Variants in TRAIP observed in about 807,000 individuals in gnomAD.
The protein encoded by TRAIP is TRAF interacting protein.
A neutral mutation model predicts 65.0 loss-of-function variants in TRAIP; 37 were observed. The observed-to-expected ratio is 0.57, with a 90% CI of 0.44 to 0.75. The LOEUF (loss-of-function observed/expected upper bound fraction) is 0.75. Ranked by LOEUF, TRAIP falls within the 30% of genes least tolerant of loss-of-function variation. The probability of loss-of-function intolerance (pLI) is 0.00; values close to 1 mark genes in which losing one functional copy is unlikely to be tolerated. For synonymous variants in TRAIP, 187 were observed against 219.1 expected, an observed-to-expected ratio of 0.85 and a Z score of 1.29; for missense variants, 481 against 579.4, an observed-to-expected ratio of 0.83 and a Z score of 1.74.
chr3:49,829,864 A>C, intron 12 of TRAIP, 98 bp from the exon 13 acceptor site: 1 of 1,559,912 alleles, frequency 6.4e-7, no homozygotes. Flanking sequence ...CTGATGCCTC[A>C]CTAGGAGGCA....
intron 5 of TRAIP, 98 bp from the exon 6 acceptor site, chr3:49,842,645 A>G: frequency 8.6e-7 from 1 of 1,162,156 alleles, no homozygotes; most frequent in South Asian, 1.3e-5. Flanking sequence ...TCTGCAGCTT[A>G]TGTTTTGAAA....
chr3:49,842,714 G>A (rs1168361639), intron 5 of TRAIP, among the ~76,000 whole-genome samples, 167 bp from the exon 6 acceptor site: 3 of 152,036 alleles, frequency 2.0e-5, no homozygotes, highest in Admixed American at 6.6e-5. Flanking sequence ...TCCCACTCTC[G>A]CTTGTGCTTC....
chr3:49,850,836 T>A (rs1339328075), intron 1 of TRAIP, among the ~76,000 whole-genome samples: 1 of 151,362 alleles, frequency 6.6e-6, no homozygotes, highest in Non-Finnish European at 1.5e-5. Context: ...TATATTTTTT[T>A]AGTAGAGACA....
At chr3:49,847,385 A>AAAAAGAAAAG (rs746867614) in intron 3 of TRAIP, 140 bp downstream of exon 3, 43 of 644,102 alleles carry the variant, frequency 6.7e-5, no homozygotes, top group African/African-American at 1.7e-4. Context: ...CTGTCTCTAA[A>AAAAAGAAAAG]AAAAGAAAAG....
chr3:49,837,639 T>C (rs906896670), intron 10 of TRAIP, among the ~76,000 whole-genome samples: 2 of 152,110 alleles, frequency 1.3e-5, no homozygotes, highest in Non-Finnish European at 2.9e-5. Context: ...TGGAGTGCAG[T>C]GGCACGATCT....
chr3:49,856,470 G>A lies in TRAIP; in HGVS notation c.-17C>T, dbSNP rs2081970783. 1.2e-6 allele frequency: 2 copies of A among 1,608,888 alleles called. No individual in the cohort carries two copies. Among genetic ancestry groups the A allele is most frequent in the African/African-American group, 2.7e-5 (2 of 74,874 alleles). On this transcript the variant is annotated 5_prime_UTR_variant, in exon 1 of 15. Transcript: ENST00000331456. ...GATAGGCATGATGGCTGGACTCAAG[G>A]GGCCCAGGCAGCCAAAGAAACTGCT...
rs746923103 is a variant in TRAIP, at chr3:49,829,695, A to G, written c.1158T>C (p.Pro386=). 18 of 1,614,176 alleles carry G rather than the reference A, an allele frequency of 1.1e-5. No homozygotes were observed. In the East Asian group the frequency reaches 3.8e-4, roughly 34 times the overall value. The change falls in exon 13 of 15, where the codon CCT becomes CCC. Residue 386 remains proline (P), a synonymous_variant. Transcript: ENST00000331456. ...EPDEELVGAF[P]IFVRNAILGQ... is the part of the protein sequence containing the mutation. ...CTAGGATGGCATTCCGGACAAAAAT[A>G]GGGAAGGCACCAACCAGTTCCTCAT...
chr3:49,847,421 A>T, intron 3 of TRAIP, 104 bp downstream of exon 3: 1 of 524,468 alleles, frequency 1.9e-6, no homozygotes, highest in Non-Finnish European at 3.4e-6. Flanking sequence ...AAAAGAGAAA[A>T]GAGAAGAGAA....
In TRAIP at chr3:49,832,020, A is replaced by G; in HGVS notation, c.933T>C (p.Arg311=). 1 of 1,606,564 alleles carries G rather than the reference A, an allele frequency of 6.2e-7. No homozygotes were observed. Among genetic ancestry groups the G allele is most frequent in the Non-Finnish European group, 8.5e-7 (1 of 1,176,394 alleles). Residue 311 remains arginine, a synonymous_variant, in exon 11 of 15, where the codon CGT becomes CGC. Coordinates refer to ENST00000331456, the MANE Select transcript of TRAIP (RefSeq NM_005879.3). The part of the protein sequence containing the change: ...VNLKLRRPSF[R]DDIDLNATFD... ...AGGTAGCATTGAGATCAATATCATC[A>G]CGGAAGGATGGCCGGCGGAGCTTCA...
chr3:49,840,194 G>C, intron 9 of TRAIP, 90 bp downstream of exon 9: 1 of 1,214,120 alleles, frequency 8.2e-7, no homozygotes, highest in East Asian at 2.4e-5. Context: ...ACTGACTGGT[G>C]CAAGGGTCCT....
chr3:49,849,817 A>G (rs2081915437), intron 1 of TRAIP, among the ~76,000 whole-genome samples: 1 of 148,118 alleles, frequency 6.8e-6, no homozygotes, highest in African/African-American at 2.5e-5. Flanking sequence ...AAAGATTCCT[A>G]TAAGTACATT....
At chr3:49,840,431 C>A in intron 8 of TRAIP, 58 bp from the exon 9 acceptor site, 2 of 1,402,674 alleles carry the variant, frequency 1.4e-6, no homozygotes, top group Non-Finnish European at 2.0e-6. Context: ...TGCCCTGCCC[C>A]CTCCTGCTGC....
Position 49,856,563 on chromosome 3 carries a change from T to G in TRAIP, c.-110A>C. The G allele has an allele frequency of 1.1e-6, 1 of 880,368 alleles. No homozygotes were observed. The highest frequency in any genetic ancestry group is 1.8e-6 in the Non-Finnish European group (1 of 563,886). 54.5% of individuals were successfully genotyped at this position (880,368 alleles called of 1,614,324 possible). ...TTCAAATTTGGCTCCGCAGCACGAC[T>G]TCCTGGAGCGGGCCGGAAGTGACAA... On this transcript the variant is annotated 5_prime_UTR_variant, in exon 1 of 15. Coordinates refer to ENST00000331456, the MANE Select transcript of TRAIP (RefSeq NM_005879.3).
rs2081971658 is a variant in TRAIP at position 49,856,527 on chromosome 3, C to CCTCCGCTTGCTTCAAATTTGG, written c.-95_-75dup. 2.2e-6 allele frequency: 3 copies of CCTCCGCTTGCTTCAAATTTGG among 1,382,820 alleles called. No homozygotes were observed. The highest frequency in any genetic ancestry group is 2.4e-5 in the East Asian group (1 of 40,838). The allele number at this position is 1,382,820 out of a possible 1,614,324, so 85.7% of individuals were successfully genotyped here. A position where few individuals can be genotyped will look rare whatever the true frequency, so the allele number is the denominator to read the frequency against. ...CCGGCTTCGTAGACGCGCCCCCGCG[C>CCTCCGCTTGCTTCAAATTTGG]CTCCGCTTGCTTCAAATTTGGCTCC... On this transcript the variant is annotated 5_prime_UTR_variant, in exon 1 of 15. Coordinates refer to ENST00000331456, the MANE Select transcript of TRAIP (RefSeq NM_005879.3).
intron 11 of TRAIP, among the ~76,000 whole-genome samples, chr3:49,830,918 C>T (rs917090899): frequency 6.6e-6 from 1 of 151,322 alleles, no homozygotes; most frequent in Non-Finnish European, 1.5e-5. Flanking sequence ...ACTTCACTAC[C>T]TCCTTCACTA....
intron 1 of TRAIP, among the ~76,000 whole-genome samples, chr3:49,853,743 A>T (rs1022596467): frequency 2.6e-5 from 4 of 152,072 alleles, no homozygotes; most frequent in African/African-American, 7.2e-5. Flanking sequence ...GCTACTCGGG[A>T]GGCTGAGGTA....
chr3:49,831,949 C>T lies in TRAIP; in HGVS notation c.1004G>A (p.Gly335Asp), dbSNP rs144992965. ...PPARPSSSQH[G>D]YYEKLCLEKS... ...CTCTAGGCAAAGTTTTTCGTAGTAA[C>T]CATGCTGGGAGCTGGAGGGCCGGGC... is the stretch of plus-strand genomic sequence containing the variant. Residue 335 changes from glycine (G) to aspartate (D), a missense_variant, in exon 11 of 15, where the codon GGT (glycine) becomes GAT (aspartate). Transcript: ENST00000331456. 1.7e-5 allele frequency: 27 copies of T among 1,597,550 alleles called. 1 individual carries two copies. The highest frequency in any genetic ancestry group is 1.3e-4 in the African/African-American group (10 of 74,076).
chr3:49,850,883 C>T (rs1390800592), intron 1 of TRAIP, among the ~76,000 whole-genome samples: 3 of 151,740 alleles, frequency 2.0e-5, no homozygotes, highest in Admixed American at 2.0e-4. Context: ...TCTCAAACTC[C>T]TGATCCACCC....
At chr3:49,835,805 G>A (rs2108312457) in intron 10 of TRAIP, among the ~76,000 whole-genome samples, 2 of 151,890 alleles carry the variant, frequency 1.3e-5, no homozygotes, top group South Asian at 4.2e-4. Context: ...CGGGCGTGGT[G>A]GCGGGCACCT....
Sources: gnomAD v4.1 joint callset for allele counts (sites outside exome capture counted in the v4.1 genomes callset) on GRCh38, gnomAD v4.1.1 for gene constraint, MANE v1.5 for transcripts, NCBI Gene and HGNC (gene_info 2026-07-23, HGNC 2026-07-21) for gene names.